MRS2: variants seen among roughly 807,000 people sequenced by gnomAD.
MRS2 encodes magnesium transporter MRS2 homolog, mitochondrial.
MRS2 carries 40 observed loss-of-function variants against 52.6 expected under a neutral mutation model. The ratio of observed to expected loss-of-function variants is 0.76; its 90% CI spans 0.59 to 0.99. MRS2 has a LOEUF of 0.99. MRS2 is among the 50% of genes least tolerant of loss of function. The pLI is 0.00. For synonymous variants in MRS2, 193 were observed against 195.9 expected, an observed-to-expected ratio of 0.98 and a Z score of 0.13; for missense variants, 472 against 532.7, an observed-to-expected ratio of 0.89 and a Z score of 1.12.
At chr6:24,406,469 T>C (rs747288939) in intron 2 of MRS2, among the ~76,000 whole-genome samples, 3 of 152,012 alleles carry the variant, frequency 2.0e-5, no homozygotes, top group Non-Finnish European at 4.4e-5. Context: ...AGTTGGCCAA[T>C]TTAGTTAAGA....
At chr6:24,409,336 T>C (rs1761575832) in intron 3 of MRS2, 125 bp from the exon 4 acceptor site, 2 of 544,458 alleles carry the variant, frequency 3.7e-6, no homozygotes, top group Non-Finnish European at 3.3e-6. Flanking sequence ...AAAGACTTAA[T>C]TTTAGTTTTT....
Position 24,405,228 on chromosome 6 carries a change from C to T in MRS2, c.251C>T (p.Pro84Leu). 1 of 1,613,230 alleles carries T rather than the reference C, an allele frequency of 6.2e-7. No homozygotes were observed. Among genetic ancestry groups the T allele is most frequent in the Admixed American group, 1.7e-5 (1 of 60,012 alleles). The change falls in exon 2 of 11, where the codon CCA (proline) becomes CTA (leucine). Residue 84 changes from proline to leucine, a missense_variant. Coordinates refer to ENST00000378386, the MANE Select transcript of MRS2 (RefSeq NM_020662.4). Reference protein sequence around the residue: ...VSQATLASVAPVFTVTKFDKQ... With the variant: ...VSQATLASVALVFTVTKFDKQ... Reference sequence around the variant, plus strand: ...CAAGCCACTTTAGCCAGTGTAGCCCCAGTATTTACTGTGGTGAGTATGTAC... The same window carrying T: ...CAAGCCACTTTAGCCAGTGTAGCCCTAGTATTTACTGTGGTGAGTATGTAC...
intron 4 of MRS2, among the ~76,000 whole-genome samples, chr6:24,411,822 C>G (rs570613328): frequency 2.7e-4 from 41 of 151,758 alleles, no homozygotes; most frequent in African/African-American, 8.9e-4. Flanking sequence ...CAGGCATGAG[C>G]CACCATGCCC....
intron 5 of MRS2, 64 bp from the exon 6 acceptor site, chr6:24,414,969 C>A: frequency 7.1e-7 from 1 of 1,414,984 alleles, no homozygotes; most frequent in Non-Finnish European, 9.6e-7. Context: ...TCAGAGGATT[C>A]ACTGATCCTG....
rs774529508 is a variant in MRS2 at position 24,418,508 on chromosome 6, C to T, written c.1037C>T (p.Thr346Ile). The change falls in exon 9 of 11, where the codon ACC becomes ATC. Residue 346 changes from threonine (T) to isoleucine (I), a missense_variant. Physicochemically the swap from Thr to Ile is moderately conservative, Grantham distance 89. Transcript: ENST00000378386. Reference sequence around the variant, plus strand: ...TTGAATCTACAGCTGACCATGGGAACCTTCTCTCTTTCGCTCTTTGGACTA... The same window carrying T: ...TTGAATCTACAGCTGACCATGGGAATCTTCTCTCTTTCGCTCTTTGGACTA... ...MRLNLQLTMGTFSLSLFGLMG... is the reference protein window; with the variant it reads ...MRLNLQLTMGIFSLSLFGLMG... The T allele has an allele frequency of 6.2e-7, 1 of 1,614,036 alleles. No individual in the cohort carries two copies. The highest frequency in any genetic ancestry group is 1.7e-5 in the Admixed American group (1 of 60,000).
intron 9 of MRS2, among the ~76,000 whole-genome samples, chr6:24,420,744 G>GA (rs1218548752): frequency 1.3e-5 from 2 of 152,146 alleles, no homozygotes; most frequent in Admixed American, 6.5e-5. Flanking sequence ...AGATCTGGGG[G>GA]AGAGTGTTCT....
At chr6:24,407,481 G>T (rs1187215865) in intron 2 of MRS2, among the ~76,000 whole-genome samples, 1 of 152,198 alleles carries the variant, frequency 6.6e-6, no homozygotes, top group Non-Finnish European at 1.5e-5. Context: ...TTTCTGAAAT[G>T]TGTCTGTCGT....
intron 3 of MRS2, among the ~76,000 whole-genome samples, chr6:24,409,198 T>C (rs116473340): frequency 6.6e-4 from 101 of 152,286 alleles, no homozygotes; most frequent in African/African-American, 1.5e-3. Flanking sequence ...TAATGATGCA[T>C]AGTTGTGGTT....
intron 9 of MRS2, 37 bp downstream of exon 9, chr6:24,418,615 T>C (rs1389482604): frequency 6.6e-7 from 1 of 1,525,446 alleles, no homozygotes; most frequent in South Asian, 1.1e-5. Flanking sequence ...CTTGGGGGTT[T>C]TGGCCGGGCA....
chr6:24,410,475 CAA>C (rs1247115115), intron 4 of MRS2, among the ~76,000 whole-genome samples: 1 of 152,018 alleles, frequency 6.6e-6, no homozygotes, highest in African/African-American at 2.4e-5. Context: ...AGACTTTCTT[CAA>C]AGAGTCTTTG....
rs1761326961 is a variant in MRS2, at chr6:24,402,978, G to T, written c.-69G>T. 2.8e-6 allele frequency: 4 copies of T among 1,433,154 alleles called. No homozygotes were observed. The highest frequency in any genetic ancestry group is 3.7e-6 in the Non-Finnish European group (4 of 1,069,998). 88.8% of individuals were successfully genotyped at this position (1,433,154 alleles called of 1,614,324 possible). On this transcript the variant is annotated 5_prime_UTR_variant, in exon 1 of 11. Coordinates refer to ENST00000378386, the MANE Select transcript of MRS2 (RefSeq NM_020662.4). ...GGCGGTAGCGACAGGTCAGAGCTGC[G>T]GCCTGAGCAGCCAGCGTCCGGCATG...
At chr6:24,405,831 C>T (rs185622576) in intron 2 of MRS2, among the ~76,000 whole-genome samples, 3 of 141,340 alleles carry the variant, frequency 2.1e-5, no homozygotes, top group African/African-American at 2.6e-5. Flanking sequence ...GCCGGCCGGG[C>T]GTGGTGGCTC....
intron 7 of MRS2, among the ~76,000 whole-genome samples, chr6:24,416,932 A>G (rs1192988177): frequency 6.6e-6 from 1 of 152,140 alleles, no homozygotes; most frequent in South Asian, 2.1e-4. Context: ...AATCTTATAA[A>G]CCTTTTATCT....
chr6:24,405,844 G>T (rs902438464), intron 2 of MRS2, among the ~76,000 whole-genome samples: 1 of 145,310 alleles, frequency 6.9e-6, no homozygotes, highest in African/African-American at 2.6e-5. Flanking sequence ...GGTGGCTCAC[G>T]CCTGTAATTC....
In MRS2 at chr6:24,424,758, C is replaced by T. The variant is rs1462537215; in HGVS notation, c.*1064C>T. The T allele has an allele frequency of 6.6e-6, 1 of 152,140 alleles. No homozygotes were observed. The highest frequency in any genetic ancestry group is 1.5e-5 in the Non-Finnish European group (1 of 68,028). The allele number at this position is 152,140 out of a possible 1,614,324, so 9.4% of individuals were successfully genotyped here. On this transcript the variant is annotated 3_prime_UTR_variant, in exon 11 of 11. Coordinates refer to ENST00000378386, the MANE Select transcript of MRS2 (RefSeq NM_020662.4). Reference sequence around the variant, plus strand: ...TCTAGAGTGTCCAGCTCTTGCACTACAAATGTAATAATAACAGAATAAATA... The same window carrying T: ...TCTAGAGTGTCCAGCTCTTGCACTATAAATGTAATAATAACAGAATAAATA...
At chr6:24,407,071 T>C (rs2127282615) in intron 2 of MRS2, among the ~76,000 whole-genome samples, 1 of 138,500 alleles carries the variant, frequency 7.2e-6, no homozygotes, top group Admixed American at 7.5e-5. Flanking sequence ...GGAGGGAGAC[T>C]GCAAAGCAGT....
rs11443607 is a variant in MRS2, at chr6:24,424,220, CT to C, written c.*534del. The C allele has an allele frequency of 0.12, 18,287 of 150,900 alleles. 1,476 individuals are homozygous for C. Among genetic ancestry groups the C allele is most frequent in the East Asian group, 0.16 (812 of 5,144 alleles). 9.3% of individuals were successfully genotyped at this position (150,900 alleles called of 1,614,324 possible). On this transcript the variant is annotated 3_prime_UTR_variant, in exon 11 of 11. Transcript: ENST00000378386. ...TAACCTTATTTCTTGTATTTGCCCC[CT>C]TTTTTTTATAAAAGGTGAATAAAAA...
Position 24,419,803 on chromosome 6 carries a change from C to G in MRS2, c.1107+1225C>G, listed in dbSNP as rs79535963. Among the ~76,000 whole-genome samples, 472 of 152,304 alleles carry G rather than the reference C, an allele frequency of 3.1e-3. 4 individuals carry two copies. Among genetic ancestry groups the G allele is most frequent in the African/African-American group, 0.011 (448 of 41,576 alleles). On this transcript the variant is annotated intron_variant, in intron 9 of 10. Transcript: ENST00000378386. ...CCAAAGTCTGTGGGTATTCAAGTCT[C>G]TGATATAAAATGACCCAGTACAGTC... is the stretch of plus-strand genomic sequence containing the variant.
In MRS2 at chr6:24,416,338, TATGAA is replaced by T. The variant is rs1761847651; in HGVS notation, c.720-55_720-51del. The T allele has an allele frequency of 1.5e-5, 11 of 737,012 alleles. No individual in the cohort carries two copies. The Admixed American group carries it at 1.8e-4, about 12-fold the overall frequency. The allele number at this position is 737,012 out of a possible 1,614,324, so 45.7% of individuals were successfully genotyped here. A position where few individuals can be genotyped will look rare whatever the true frequency, so the allele number is the denominator to read the frequency against. On this transcript the variant is annotated intron_variant, in intron 6 of 10. Coordinates refer to ENST00000378386, the MANE Select transcript of MRS2 (RefSeq NM_020662.4). ...TGATAAGATACTCTAAAAACACTATTATGAAATGTTCTTATAAGTTTATTCTATTG... is the reference window on the plus strand; with the variant it reads ...TGATAAGATACTCTAAAAACACTATTATGTTCTTATAAGTTTATTCTATTG...
Sources: gnomAD v4.1 joint callset for allele counts (sites outside exome capture counted in the v4.1 genomes callset) on GRCh38, gnomAD v4.1.1 for gene constraint, MANE v1.5 for transcripts, NCBI Gene and HGNC (gene_info 2026-07-23, HGNC 2026-07-21) for gene names.